GPR161: variants seen among roughly 807,000 people sequenced by gnomAD.
GPR161 encodes the protein G-protein coupled receptor RE2.
A neutral mutation model predicts 39.2 loss-of-function variants in GPR161; 25 were observed. The ratio of observed to expected loss-of-function variants is 0.64; its 90% CI spans 0.47 to 0.89. The LOEUF (loss-of-function observed/expected upper bound fraction) is 0.89. Among genes scored for constraint, GPR161 ranks in the 40% least tolerant of loss-of-function variants. The pLI is 0.00. For synonymous variants in GPR161, 286 were observed against 276.6 expected (o/e 1.03, Z -0.34); for missense variants, 547 against 677.8 (o/e 0.81, Z 2.14).
chr1:168,084,987 A>ACCAG lies in GPR161; in HGVS notation c.*540_*543dup. 1 of 456,314 alleles carries ACCAG rather than the reference A, an allele frequency of 2.2e-6. No individual in the cohort carries two copies. Among genetic ancestry groups the ACCAG allele is most frequent in the Non-Finnish European group, 4.4e-6 (1 of 227,002 alleles). The allele number at this position is 456,314 out of a possible 1,614,324, so 28.3% of individuals were successfully genotyped here. On this transcript the variant is annotated 3_prime_UTR_variant, in exon 6 of 6. Transcript: ENST00000682931. ...CTGCTCCTGGGTGCTTTCTCTGCGG[A>ACCAG]CCAGTCCTAGAACTGAGGGTCCCAC...
At chr1:168,131,992 C>T (rs1360253044) in intron 1 of GPR161, among the ~76,000 whole-genome samples, 2 of 152,172 alleles carry the variant, frequency 1.3e-5, no homozygotes, top group Admixed American at 6.5e-5. Flanking sequence ...TGGCCAGGCG[C>T]GGTGACTCAA....
chr1:168,129,876 G>T (rs1167078247), intron 1 of GPR161, among the ~76,000 whole-genome samples: 2 of 152,182 alleles, frequency 1.3e-5, no homozygotes, highest in African/African-American at 4.8e-5. Flanking sequence ...CCTCTAGAGG[G>T]TAGTCCTAGC....
In GPR161 at chr1:168,082,337, C is replaced by CA. The variant is rs2102076015; in HGVS notation, c.*3193dup. 1 of 152,344 alleles carries CA rather than the reference C, an allele frequency of 6.6e-6. No individual in the cohort carries two copies. The highest frequency in any genetic ancestry group is 2.4e-5 in the African/African-American group (1 of 41,554). The allele number at this position is 152,344 out of a possible 1,614,324, so 9.4% of individuals were successfully genotyped here. A position where few individuals can be genotyped will look rare whatever the true frequency, so the allele number is the denominator to read the frequency against. ...CCTTGGTCACCAAGGCCGTGGACTA[C>CA]ACGATAAGGGCAAAGGAATTCAAAA... On this transcript the variant is annotated 3_prime_UTR_variant, in exon 6 of 6. Transcript: ENST00000682931.
At chr1:168,105,354 T>A (rs750614812) in intron 1 of GPR161, among the ~76,000 whole-genome samples, 2 of 152,184 alleles carry the variant, frequency 1.3e-5, no homozygotes, top group African/African-American at 2.4e-5. Flanking sequence ...CTGCTGTGTT[T>A]AGACCCTGGC....
rs1694305726 is a variant in GPR161, at chr1:168,084,694, TTCTC to T, written c.*833_*836del. 1 of 376,520 alleles carries T rather than the reference TTCTC, an allele frequency of 2.7e-6. No homozygotes were observed. Among genetic ancestry groups the T allele is most frequent in the African/African-American group, 2.1e-5 (1 of 47,058 alleles). The allele number at this position is 376,520 out of a possible 1,614,324, so 23.3% of individuals were successfully genotyped here. On this transcript the variant is annotated 3_prime_UTR_variant, in exon 6 of 6. Coordinates refer to ENST00000682931, the MANE Select transcript of GPR161 (RefSeq NM_001375883.1). ...ACAAATTCCCTTCCATAATAACAGT[TTCTC>T]TATTTCCTGGCTGTGCTTGGCACTA...
chr1:168,119,243 C>CATATATATATGTAT (rs1356587338), intron 1 of GPR161, among the ~76,000 whole-genome samples: 4 of 101,598 alleles, frequency 3.9e-5, no homozygotes, highest in African/African-American at 2.0e-4. Context: ...TATATATATA[C>CATATATATATGTAT]ACATATATAT....
intron 1 of GPR161, among the ~76,000 whole-genome samples, chr1:168,128,575 A>C (rs1392720854): frequency 6.6e-6 from 1 of 152,230 alleles, no homozygotes; most frequent in Admixed American, 6.5e-5. Context: ...AAGAAAAATA[A>C]AACAAGCCCT....
At chr1:168,096,297 C>T (rs190650631) in intron 3 of GPR161, among the ~76,000 whole-genome samples, 15 of 152,150 alleles carry the variant, frequency 9.9e-5, no homozygotes, top group African/African-American at 3.6e-4. Flanking sequence ...GCTCTGCTGG[C>T]CTTGTCAGCA....
intron 1 of GPR161, among the ~76,000 whole-genome samples, chr1:168,127,795 T>C (rs1698701156): frequency 1.3e-5 from 2 of 152,144 alleles, no homozygotes; most frequent in Admixed American, 6.5e-5. Context: ...CACATGGGAA[T>C]TGTGGGAGTT....
rs1389646437 is a variant in GPR161, at chr1:168,083,005, AC to A, written c.*2525del. 6.6e-6 allele frequency: 1 copy of A among 152,198 alleles called. No individual in the cohort carries two copies. The highest frequency in any genetic ancestry group is 2.4e-5 in the African/African-American group (1 of 41,446). 9.4% of individuals were successfully genotyped at this position (152,198 alleles called of 1,614,324 possible). ...CCTTCAAGACTTAGCTCAAACTGTC[AC>A]TTACCTCATGGAGCCATCCCTAACT... is the stretch of plus-strand genomic sequence containing the variant. On this transcript the variant is annotated 3_prime_UTR_variant, in exon 6 of 6. Transcript: ENST00000682931.
intron 5 of GPR161, among the ~76,000 whole-genome samples, chr1:168,086,355 G>A (rs1572232939): frequency 6.6e-6 from 1 of 152,358 alleles, no homozygotes; most frequent in Middle Eastern, 3.4e-3. Flanking sequence ...ACGAACAGAA[G>A]TGAGAGGGGG....
At chr1:168,126,461 T>C (rs1698598805) in intron 1 of GPR161, among the ~76,000 whole-genome samples, 1 of 149,768 alleles carries the variant, frequency 6.7e-6, no homozygotes, top group African/African-American at 2.4e-5. Flanking sequence ...TTGTTTTGTT[T>C]TGTTTTTTTT....
At chr1:168,123,954 T>C (rs1297861565) in intron 1 of GPR161, among the ~76,000 whole-genome samples, 2 of 152,142 alleles carry the variant, frequency 1.3e-5, no homozygotes, top group African/African-American at 4.8e-5. Flanking sequence ...TGTAGCAGAG[T>C]TGCCTTCGCA....
At position 168,083,406 on chromosome 1, in the gene GPR161, C is replaced by T. The variant is rs577151139; in HGVS notation, c.*2125G>A. On this transcript the variant is annotated 3_prime_UTR_variant, in exon 6 of 6. Transcript: ENST00000682931. ...TCTAGTACAGTCAGGGGAACATTCT[C>T]CAACCCTTGCGTTTCAAAGCCAAGC... 6.6e-6 allele frequency: 1 copy of T among 152,312 alleles called. No homozygotes were observed. Among genetic ancestry groups the T allele is most frequent in the African/African-American group, 2.4e-5 (1 of 41,534 alleles). 9.4% of individuals were successfully genotyped at this position (152,312 alleles called of 1,614,324 possible).
intron 1 of GPR161, among the ~76,000 whole-genome samples, chr1:168,128,551 T>C (rs983455914): frequency 2.0e-5 from 3 of 152,200 alleles, no homozygotes; most frequent in Non-Finnish European, 4.4e-5. Flanking sequence ...CTGTATGTAC[T>C]TAATAAACAG....
chr1:168,092,695 C>T (rs887101979), intron 3 of GPR161, among the ~76,000 whole-genome samples: 6 of 152,162 alleles, frequency 3.9e-5, no homozygotes, highest in Admixed American at 3.3e-4. Flanking sequence ...TTTGAGCTAA[C>T]TACAAGACCT....
In GPR161 at chr1:168,085,490, G is replaced by A. The variant is rs772306491; in HGVS notation, c.*41C>T. 3.5e-5 allele frequency: 55 copies of A among 1,577,312 alleles called. No individual in the cohort carries two copies. The highest frequency in any genetic ancestry group is 4.3e-5 in the Non-Finnish European group (50 of 1,156,014). ...GGCGGTGATGGGAACTCCTCCCCGG[G>A]CCAGCCTCTCAGGCTGCAGCCCCAC... is the stretch of plus-strand genomic sequence containing the variant. On this transcript the variant is annotated 3_prime_UTR_variant, in exon 6 of 6. Transcript: ENST00000682931.
intron 1 of GPR161, among the ~76,000 whole-genome samples, chr1:168,127,033 G>A (rs1698642485): frequency 6.6e-6 from 1 of 152,106 alleles, no homozygotes; most frequent in Non-Finnish European, 1.5e-5. Flanking sequence ...AAAGAGAGTA[G>A]ATATACTCTA....
intron 4 of GPR161, chr1:168,090,313 C>G (rs1373439855): frequency 2.7e-6 from 1 of 368,324 alleles, no homozygotes; most frequent in African/African-American, 2.1e-5. Flanking sequence ...CTTTCAACCC[C>G]CTAATAACAC....
Sources: allele counts gnomAD v4.1 joint callset (sites outside exome capture counted in the v4.1 genomes callset), GRCh38; gene constraint gnomAD v4.1.1; transcripts MANE v1.5; gene names NCBI Gene and HGNC (gene_info 2026-07-23, HGNC 2026-07-21).